The following TP53BP2 variants were observed in gnomAD, a reference collection of about 807,000 sequenced individuals.
TP53BP2 encodes apoptosis-stimulating of p53 protein 2.
Under a neutral mutation model 126.2 loss-of-function variants are expected in TP53BP2, and 62 were observed. The ratio of observed to expected loss-of-function variants is 0.49; its 90% CI spans 0.40 to 0.61. TP53BP2 has a LOEUF of 0.61. Ranked by LOEUF, TP53BP2 falls within the 20% of genes least tolerant of loss-of-function variation. The probability of loss-of-function intolerance (pLI) is 0.00; values close to 1 mark genes in which losing one functional copy is unlikely to be tolerated. For synonymous variants in TP53BP2, 485 were observed against 502.9 expected, an observed-to-expected ratio of 0.96 and a Z score of 0.48; for missense variants, 1,215 against 1,402.8, an observed-to-expected ratio of 0.87 and a Z score of 2.14.
rs1300119542 is a variant in TP53BP2 at position 223,822,039 on chromosome 1, A to G, written c.28-672T>C. 3.3e-5 allele frequency among the ~76,000 whole-genome samples: 5 copies of G among 151,830 alleles called. No homozygotes were observed. The East Asian group carries it at 9.7e-4, about 29-fold the overall frequency. On this transcript the variant is annotated intron_variant, in intron 1 of 17. Transcript: ENST00000343537. ...CCCGAGTAGCTGGGATTACAGGCGC[A>G]TGCCATATCACACCACACCACGCCA...
At chr1:223,825,115 ATATT>A (rs1663447237) in intron 1 of TP53BP2, among the ~76,000 whole-genome samples, 3 of 152,044 alleles carry the variant, frequency 2.0e-5, no homozygotes, top group South Asian at 4.1e-4. Context: ...GTCATATGTT[ATATT>A]TATTTAACTC....
At chr1:223,803,503 G>A (rs774714491) in intron 6 of TP53BP2, 51 bp from the exon 7 acceptor site, 2 of 1,507,478 alleles carry the variant, frequency 1.3e-6, no homozygotes. Flanking sequence ...AATAAGAATG[G>A]ACTACTTCCC....
intron 3 of TP53BP2, among the ~76,000 whole-genome samples, chr1:223,813,085 A>G (rs947761317): frequency 2.0e-5 from 3 of 152,078 alleles, no homozygotes; most frequent in African/African-American, 7.2e-5. Context: ...CTGTGTCCCC[A>G]GTGTCTACTG....
rs1153936 is a variant in TP53BP2 at position 223,792,505 on chromosome 1, G to C, written c.2880C>G (p.Leu960=). The C allele has an allele frequency of 0.089, 144,286 of 1,613,680 alleles. 10,977 individuals carry two copies. Among genetic ancestry groups the C allele is most frequent in the African/African-American group, 0.37 (27,502 of 74,916 alleles). The change falls in exon 15 of 18, where the codon CTC becomes CTG. Residue 960 remains leucine (L), a synonymous_variant. Coordinates refer to ENST00000343537, the MANE Select transcript of TP53BP2 (RefSeq NM_001031685.3). ...GAGCCGTGATGCCTTCATCATTGGG[G>C]AGGCTTGGGTCATCAACCTATATCA... The part of the protein sequence containing the change: ...RIIYEVDDPS[L]PNDEGITALH...
intron 6 of TP53BP2, 59 bp downstream of exon 6, chr1:223,804,115 T>C: frequency 6.5e-7 from 1 of 1,548,146 alleles, no homozygotes; most frequent in Non-Finnish European, 8.7e-7. Flanking sequence ...TAAGACCCTG[T>C]CTCAAAAAAA....
chr1:223,814,875 C>G (rs1663033987), intron 2 of TP53BP2, among the ~76,000 whole-genome samples: 1 of 151,958 alleles, frequency 6.6e-6, no homozygotes, highest in South Asian at 2.1e-4. Context: ...AAATAAAAGT[C>G]TATTTACTGC....
At chr1:223,828,170 C>A (rs115570730) in intron 1 of TP53BP2, among the ~76,000 whole-genome samples, 2,201 of 152,072 alleles carry the variant, frequency 0.014, 32 homozygotes, top group Non-Finnish European at 0.02. Flanking sequence ...GCATCTGATA[C>A]CAAAATATTT....
intron 1 of TP53BP2, chr1:223,825,894 A>G (rs1277965722): frequency 6.6e-6 from 1 of 152,298 alleles, no homozygotes; most frequent in Non-Finnish European, 1.5e-5. Context: ...CCAGATGGCA[A>G]GGGAAGCGGT....
At chr1:223,787,920 T>C (rs1332112504) in intron 16 of TP53BP2, among the ~76,000 whole-genome samples, 1 of 151,590 alleles carries the variant, frequency 6.6e-6, no homozygotes, top group Non-Finnish European at 1.5e-5. Context: ...TAATTAAAAA[T>C]TAGCCAGGTG....
At position 223,802,155 on chromosome 1, in the gene TP53BP2, G is replaced by T; in HGVS notation, c.1186C>A (p.Leu396Met). 6.2e-7 allele frequency: 1 copy of T among 1,614,208 alleles called. No homozygotes were observed. Among genetic ancestry groups the T allele is most frequent in the East Asian group, 2.2e-5 (1 of 44,890 alleles). Residue 396 changes from leucine (L) to methionine (M), a missense_variant, in exon 9 of 18, where the codon CTG (leucine) becomes ATG (methionine). By Grantham distance (15) the Leu-to-Met change is conservative. Around this residue, in one of 4 missense-constraint regions of TP53BP2, gnomAD observed 814 missense variants for 853.0 expected, o/e 0.95. Transcript: ENST00000343537. ...GCAGCCCCAGATCTCATGTTGGGCA[G>T]TGTCTGTATTTTCATCGGCCCCTCT... ...ASEGPMKIQTLPNMRSGAASQ... is the reference protein window; with the variant it reads ...ASEGPMKIQTMPNMRSGAASQ...
intron 1 of TP53BP2, among the ~76,000 whole-genome samples, chr1:223,838,994 C>T (rs1471849000): frequency 6.6e-6 from 1 of 150,652 alleles, no homozygotes; most frequent in Non-Finnish European, 1.5e-5. Flanking sequence ...AAATAAGGGA[C>T]GATGTCTCCA....
chr1:223,797,878 A>G (rs989233648), intron 12 of TP53BP2, among the ~76,000 whole-genome samples: 7 of 152,116 alleles, frequency 4.6e-5, no homozygotes, highest in Non-Finnish European at 7.4e-5. Flanking sequence ...GCAGTGGTCC[A>G]GTCCTCTATA....
At chr1:223,844,318 C>T (rs903764758) in intron 1 of TP53BP2, among the ~76,000 whole-genome samples, 1 of 152,124 alleles carries the variant, frequency 6.6e-6, no homozygotes, top group African/African-American at 2.4e-5. Context: ...CCAAAGGATA[C>T]CTTGACAAAA....
chr1:223,844,158 C>T (rs1388906391), intron 1 of TP53BP2, among the ~76,000 whole-genome samples: 2 of 152,048 alleles, frequency 1.3e-5, no homozygotes, highest in South Asian at 4.1e-4. Flanking sequence ...GGTGTAAGTG[C>T]CATCATACCA....
At position 223,807,032 on chromosome 1, in the gene TP53BP2, GCTT is replaced by G. The variant is rs1251187230; in HGVS notation, c.373-88_373-86del. 1,315 of 969,058 alleles carry G rather than the reference GCTT, an allele frequency of 1.4e-3. 1 individual carries two copies. The highest frequency in any genetic ancestry group is 1.8e-3 in the Non-Finnish European group (1,172 of 635,924). 60.0% of individuals were successfully genotyped at this position (969,058 alleles called of 1,614,324 possible). ...TCCGCCCTCAAAGGTCTATGTAAAA[GCTT>G]CATATGAACCAACTATGACAAAATT... is the stretch of plus-strand genomic sequence containing the variant. On this transcript the variant is annotated intron_variant, in intron 4 of 17. Coordinates refer to ENST00000343537, the MANE Select transcript of TP53BP2 (RefSeq NM_001031685.3).
chr1:223,819,907 T>C (rs539749254), intron 2 of TP53BP2, among the ~76,000 whole-genome samples: 1 of 152,310 alleles, frequency 6.6e-6, no homozygotes, highest in Non-Finnish European at 1.5e-5. Context: ...GTCTCTACCC[T>C]TAAATAGTTT....
At chr1:223,845,551 G>GC in intron 1 of TP53BP2, 103 bp downstream of exon 1, 1 of 1,264,866 alleles carries the variant, frequency 7.9e-7, no homozygotes, top group Non-Finnish European at 1.0e-6. Flanking sequence ...GCGGGCTGCG[G>GC]CCCCCAGGCT....
At chr1:223,809,885 G>A (rs765626582) in intron 4 of TP53BP2, among the ~76,000 whole-genome samples, 1 of 151,844 alleles carries the variant, frequency 6.6e-6, no homozygotes, top group Non-Finnish European at 1.5e-5. Context: ...GGAGTGCCAT[G>A]GCGCGACCTA....
In TP53BP2 at chr1:223,819,786, C is replaced by T. The variant is rs188260832; in HGVS notation, c.175+1434G>A. ...AATTTGCTAAATGCAAGGAGGTTAC[C>T]AGGAGCAGCTAGAAGTTCATTTCCT... On this transcript the variant is annotated intron_variant, in intron 2 of 17. Transcript: ENST00000343537. Among the ~76,000 whole-genome samples, 914 of 152,210 alleles carry T rather than the reference C, an allele frequency of 6.0e-3. 6 individuals carry two copies. The highest frequency in any genetic ancestry group is 0.021 in the African/African-American group (857 of 41,506).
Sources: gnomAD v4.1 joint callset for allele counts (sites outside exome capture counted in the v4.1 genomes callset) on GRCh38, gnomAD v4.1.1 for gene constraint, gnomAD v4.1.1 regional missense constraint, MANE v1.5 for transcripts, NCBI Gene and HGNC (gene_info 2026-07-23, HGNC 2026-07-21) for gene names.